TENM3: variants seen among roughly 807,000 people sequenced by gnomAD.
TENM3 encodes teneurin-3.
A neutral mutation model predicts 255.1 loss-of-function variants in TENM3; 63 were observed. The ratio of observed to expected loss-of-function variants is 0.25; its 90% confidence interval spans 0.20 to 0.30. The LOEUF is 0.30. TENM3 is among the 10% of genes least tolerant of loss of function. TENM3 has a pLI of 1.00. For missense variants in TENM3, 2,929 were observed against 3,461.1 expected, an observed-to-expected ratio of 0.85 and a Z score of 3.86; for synonymous variants, 1,306 against 1,322.3, an observed-to-expected ratio of 0.99 and a Z score of 0.27.
At chr4:182,136,129 GT>G in the TENM3 span, among the ~76,000 whole-genome samples, 1 of 151,902 alleles carries the variant, frequency 6.6e-6, no homozygotes, top group Non-Finnish European at 1.5e-5. Context: ...GTATCAAGTT[GT>G]AGTTTTGGAA....
the TENM3 span, among the ~76,000 whole-genome samples, chr4:181,767,652 A>G: frequency 1.3e-5 from 2 of 152,128 alleles, no homozygotes; most frequent in Admixed American, 6.5e-5. Context: ...TAGGTCTAGG[A>G]AGGGACCCAA....
chr4:182,598,113 C>A (rs1462106579), intron 3 of TENM3, among the ~76,000 whole-genome samples: 1 of 152,124 alleles, frequency 6.6e-6, no homozygotes, highest in Admixed American at 6.5e-5. Context: ...TCCGGGAGGT[C>A]AAGGCTGCAG....
chr4:182,158,395 A>G lies in TENM3; in HGVS notation c.-76+13641A>G, dbSNP rs1399765447. ...CTGTGATGTAGCTGCGGAGATCTGC[A>G]TGGATTTGGGAGACTGTGAATGAGC... is the stretch of plus-strand genomic sequence containing the variant. On this transcript the variant is annotated intron_variant, in intron 1 of 2. Coordinates refer to the TENM3 transcript ENST00000512480. 2.0e-5 allele frequency among the ~76,000 whole-genome samples: 3 copies of G among 151,862 alleles called. No individual in the cohort carries two copies. In the South Asian group the frequency reaches 6.2e-4, roughly 31 times the overall value.
rs562320590 is a variant in TENM3 at position 182,213,841 on chromosome 4, G to T, written c.-76+69087G>T. 4.5e-4 allele frequency among the ~76,000 whole-genome samples: 68 copies of T among 151,888 alleles called. 1 individual carries two copies. The South Asian group carries it at 0.014, about 31-fold the overall frequency. ...TTTTGAGACAGAGTCTCCCTCTGTC[G>T]CCCAGGCTGGAGTGCAGTGGCGCGA... On this transcript the variant is annotated intron_variant, in intron 1 of 2. Transcript: ENST00000512480.
chr4:182,559,095 CTTCT>C (rs1394084814), intron 3 of TENM3, among the ~76,000 whole-genome samples: 2 of 130,470 alleles, frequency 1.5e-5, no homozygotes, highest in African/African-American at 3.0e-5. Flanking sequence ...TTTCTGTTTT[CTTCT>C]TTCTTTCTTT....
At chr4:182,587,404 C>T (rs910375931) in intron 3 of TENM3, among the ~76,000 whole-genome samples, 2 of 152,078 alleles carry the variant, frequency 1.3e-5, no homozygotes, top group African/African-American at 4.8e-5. Context: ...ACTAAAAATA[C>T]AAAAATTGGC....
intron 1 of TENM3, among the ~76,000 whole-genome samples, chr4:182,301,351 C>CATTGAT (rs1353908707): frequency 2.0e-5 from 3 of 152,144 alleles, no homozygotes; most frequent in Non-Finnish European, 4.4e-5. Flanking sequence ...TTTAAAATAA[C>CATTGAT]ATTGATACAA....
intron 3 of TENM3, among the ~76,000 whole-genome samples, chr4:182,413,853 A>G (rs1374061675): frequency 5.3e-5 from 8 of 152,186 alleles, no homozygotes; most frequent in Admixed American, 5.2e-4. Flanking sequence ...CAGATCCAAG[A>G]CAGTTCCTAT....
the TENM3 span, among the ~76,000 whole-genome samples, chr4:181,565,122 A>C: frequency 6.6e-6 from 1 of 152,196 alleles, no homozygotes; most frequent in Non-Finnish European, 1.5e-5. Context: ...ACTGTTCTCA[A>C]CTGCAGCTTT....
chr4:182,221,307 A>G (rs961697084), intron 1 of TENM3, among the ~76,000 whole-genome samples: 1 of 152,322 alleles, frequency 6.6e-6, no homozygotes. Context: ...TGATCTTTTT[A>G]AGGATTTGCC....
the TENM3 span, among the ~76,000 whole-genome samples, chr4:181,473,096 A>T: frequency 1.1e-4 from 17 of 151,804 alleles, no homozygotes; most frequent in Non-Finnish European, 2.9e-5. Flanking sequence ...ACAATATTTC[A>T]TTAAACATTT....
At chr4:181,497,759 C>T in the TENM3 span, among the ~76,000 whole-genome samples, 1 of 152,144 alleles carries the variant, frequency 6.6e-6, no homozygotes, top group East Asian at 1.9e-4. Context: ...TTAATAACCC[C>T]GCAAACTACT....
At chr4:182,263,432 G>C (rs575289038) in intron 1 of TENM3, among the ~76,000 whole-genome samples, 60 of 152,226 alleles carry the variant, frequency 3.9e-4, no homozygotes, top group Non-Finnish European at 7.5e-4. Context: ...AATTCAGGGG[G>C]TTAGAGGCCC....
the TENM3 span, among the ~76,000 whole-genome samples, chr4:181,919,682 G>A: frequency 1.3e-5 from 2 of 151,894 alleles, no homozygotes; most frequent in Non-Finnish European, 2.9e-5. Flanking sequence ...ATCGGCATGA[G>A]GGACCACCAA....
At chr4:182,230,812 C>CCATATA (rs1491106795) in intron 1 of TENM3, among the ~76,000 whole-genome samples, 2 of 58,062 alleles carry the variant, frequency 3.4e-5, no homozygotes, top group African/African-American at 1.6e-4. Flanking sequence ...GTTTCTCAAA[C>CCATATA]TATATATATA....
chr4:182,463,867 C>G (rs1042740348), intron 3 of TENM3, among the ~76,000 whole-genome samples: 1 of 151,998 alleles, frequency 6.6e-6, no homozygotes, highest in African/African-American at 2.4e-5. Flanking sequence ...GGTGATCCAC[C>G]CGCCTCGGCC....
chr4:181,768,347 G>A, the TENM3 span, among the ~76,000 whole-genome samples: 4 of 152,134 alleles, frequency 2.6e-5, no homozygotes, highest in East Asian at 1.9e-4. Context: ...ACAGCTCCTC[G>A]CAGCAAATTG....
At chr4:181,757,594 C>A in the TENM3 span, among the ~76,000 whole-genome samples, 1 of 152,186 alleles carries the variant, frequency 6.6e-6, no homozygotes, top group African/African-American at 2.4e-5. Context: ...TGCATTCCTA[C>A]AGGCTTTAAC....
chr4:182,059,794 A>G, the TENM3 span, among the ~76,000 whole-genome samples: 1 of 150,982 alleles, frequency 6.6e-6, no homozygotes, highest in Non-Finnish European at 1.5e-5. Context: ...TTCACTGGAC[A>G]TGGTAGTGCA....
Sources: allele counts gnomAD v4.1 joint callset (sites outside exome capture counted in the v4.1 genomes callset), GRCh38; gene constraint gnomAD v4.1.1; transcripts MANE v1.5; gene names NCBI Gene and HGNC (gene_info 2026-07-23, HGNC 2026-07-21).